Variants in SLC12A8 observed in about 807,000 individuals in gnomAD.
SLC12A8 encodes the protein solute carrier family 12 member 8, also known as cation-chloride cotransporter 9.
A neutral mutation model predicts 75.6 loss-of-function variants in SLC12A8; 69 were observed. That is an observed-to-expected ratio of 0.91 (90% CI 0.75 to 1.11). SLC12A8 has a LOEUF of 1.11. Ranked by LOEUF, SLC12A8 falls within the 50% of genes most tolerant of loss-of-function variation. The pLI is 0.00. For missense variants in SLC12A8, 877 were observed against 896.7 expected, an observed-to-expected ratio of 0.98 and a Z score of 0.28; for synonymous variants, 365 against 372.8, an observed-to-expected ratio of 0.98 and a Z score of 0.24.
chr3:125,096,215 G>A (rs997260098), intron 10 of SLC12A8, among the ~76,000 whole-genome samples: 1 of 152,154 alleles, frequency 6.6e-6, no homozygotes, highest in African/African-American at 2.4e-5. Flanking sequence ...ATGCAATTCA[G>A]TTCTCCATTA....
At chr3:125,146,567 G>T (rs566924594) in intron 5 of SLC12A8, among the ~76,000 whole-genome samples, 113 of 152,136 alleles carry the variant, frequency 7.4e-4, no homozygotes, top group Non-Finnish European at 1.1e-3. Context: ...CTTGCTTAAG[G>T]CCTGGGCTCC....
rs547900955 is a variant in SLC12A8, at chr3:125,094,721, A to G, written c.1706-2523T>C. Among the ~76,000 whole-genome samples, 19 of 152,318 alleles carry G rather than the reference A, an allele frequency of 1.2e-4. No homozygotes were observed. In the South Asian group the frequency reaches 3.7e-3, roughly 30 times the overall value. ...CCTATTGCTGTCTCTCCCTTATAGCAAACCTCCTCAAAAGAATTGCCTATG... is the reference window on the plus strand; with the variant it reads ...CCTATTGCTGTCTCTCCCTTATAGCGAACCTCCTCAAAAGAATTGCCTATG... On this transcript the variant is annotated intron_variant, in intron 10 of 13. Coordinates refer to ENST00000469902, the MANE Select transcript of SLC12A8 (RefSeq NM_024628.6).
At chr3:125,187,180 A>T (rs1934804288) in intron 4 of SLC12A8, 57 bp downstream of exon 4, 1 of 1,567,158 alleles carries the variant, frequency 6.4e-7, no homozygotes, top group Admixed American at 1.7e-5. Flanking sequence ...GAGGAAATGG[A>T]CAAGAAGAAA....
intron 4 of SLC12A8, among the ~76,000 whole-genome samples, chr3:125,179,885 G>A (rs1466617489): frequency 6.6e-6 from 1 of 152,146 alleles, no homozygotes; most frequent in Non-Finnish European, 1.5e-5. Flanking sequence ...AAAATTATCT[G>A]AGCAAAATAA....
intron 5 of SLC12A8, among the ~76,000 whole-genome samples, chr3:125,172,231 G>T (rs565347110): frequency 2.7e-5 from 4 of 150,072 alleles, no homozygotes; most frequent in Admixed American, 1.3e-4. Context: ...CTGAGATCCC[G>T]CCACTGCACT....
intron 2 of SLC12A8, among the ~76,000 whole-genome samples, chr3:125,193,237 G>A (rs1460907029): frequency 2.0e-5 from 3 of 152,204 alleles, no homozygotes; most frequent in African/African-American, 7.2e-5. Context: ...GGGTGTGGTT[G>A]TGTGTGCCTG....
chr3:125,096,544 C>T (rs543541330), intron 10 of SLC12A8, among the ~76,000 whole-genome samples: 4 of 152,198 alleles, frequency 2.6e-5, no homozygotes, highest in Admixed American at 6.5e-5. Flanking sequence ...ACTTCATCCT[C>T]TCAACATCTA....
At chr3:125,177,370 TG>T (rs1400078280) in intron 5 of SLC12A8, among the ~76,000 whole-genome samples, 1 of 151,700 alleles carries the variant, frequency 6.6e-6, no homozygotes, top group African/African-American at 2.4e-5. Flanking sequence ...ATATACCTAA[TG>T]TAAATGACGA....
At chr3:125,174,209 C>T (rs562909756) in intron 5 of SLC12A8, among the ~76,000 whole-genome samples, 50 of 152,212 alleles carry the variant, frequency 3.3e-4, no homozygotes, top group African/African-American at 1.2e-3. Context: ...ATACAGATGG[C>T]AAATAAGCAT....
intron 6 of SLC12A8, among the ~76,000 whole-genome samples, chr3:125,130,421 A>G (rs561585237): frequency 8.6e-5 from 13 of 151,960 alleles, no homozygotes; most frequent in African/African-American, 3.1e-4. Flanking sequence ...GCAAAACTCC[A>G]TCTCTACTAA....
chr3:125,130,900 G>A (rs1055726846), intron 6 of SLC12A8, among the ~76,000 whole-genome samples: 20 of 152,316 alleles, frequency 1.3e-4, no homozygotes, highest in African/African-American at 1.9e-4. Context: ...GAGGACGCCC[G>A]AGACATTCCC....
chr3:125,106,876 C>T (rs888536832), intron 10 of SLC12A8, among the ~76,000 whole-genome samples: 2 of 152,166 alleles, frequency 1.3e-5, no homozygotes, highest in Non-Finnish European at 2.9e-5. Flanking sequence ...AGGGAAAATG[C>T]TAATATATGT....
chr3:125,127,304 G>A (rs1933231706), intron 6 of SLC12A8, among the ~76,000 whole-genome samples: 1 of 152,198 alleles, frequency 6.6e-6, no homozygotes, highest in Admixed American at 6.5e-5. Context: ...TAGAGATGCT[G>A]CTGGGACAGA....
chr3:125,155,750 CAA>C (rs1159877630), intron 5 of SLC12A8, among the ~76,000 whole-genome samples: 37 of 69,418 alleles, frequency 5.3e-4, no homozygotes, highest in African/African-American at 1.1e-3. Context: ...GACTCTGTCT[CAA>C]AAAAAAAAAA....
intron 5 of SLC12A8, among the ~76,000 whole-genome samples, chr3:125,161,890 A>G (rs192498241): frequency 6.6e-6 from 1 of 152,294 alleles, no homozygotes; most frequent in Non-Finnish European, 1.5e-5. Context: ...AAACAAAAAA[A>G]CCCTGGAGGA....
At position 125,136,460 on chromosome 3, in the gene SLC12A8, C is replaced by A. The variant is rs138297521; in HGVS notation, c.623-678G>T. Among the ~76,000 whole-genome samples, 340 of 152,338 alleles carry A rather than the reference C, an allele frequency of 2.2e-3. 6 individuals carry two copies. Among genetic ancestry groups the A allele is most frequent in the East Asian group, 0.019 (97 of 5,188 alleles). ...CCCTAATCAGAATCTATTCCTCCCC[C>A]CTCACTGCTGTTGACGCTAGGTCTG... On this transcript the variant is annotated intron_variant, in intron 5 of 13. Coordinates refer to ENST00000469902, the MANE Select transcript of SLC12A8 (RefSeq NM_024628.6).
intron 4 of SLC12A8, among the ~76,000 whole-genome samples, chr3:125,186,287 C>A (rs1934780026): frequency 6.6e-6 from 1 of 152,146 alleles, no homozygotes; most frequent in Non-Finnish European, 1.5e-5. Flanking sequence ...AGTGCAGAGG[C>A]CATCTGTTTG....
chr3:125,150,613 T>C (rs114094926), intron 5 of SLC12A8, among the ~76,000 whole-genome samples: 2,321 of 152,302 alleles, frequency 0.015, 60 homozygotes, highest in African/African-American at 0.053. Context: ...AACCAAACGC[T>C]GAGACACACT....
At chr3:125,091,398 G>C (rs754715928) in intron 12 of SLC12A8, 41 bp downstream of exon 12, 3 of 1,301,124 alleles carry the variant, frequency 2.3e-6, no homozygotes, top group South Asian at 1.2e-5. Context: ...GAATGGTAGA[G>C]AGAATGAGGG....
Sources: allele counts gnomAD v4.1 joint callset (sites outside exome capture counted in the v4.1 genomes callset), GRCh38; gene constraint gnomAD v4.1.1; transcripts MANE v1.5; gene names NCBI Gene and HGNC (gene_info 2026-07-23, HGNC 2026-07-21).